The following CCDC196 variants were observed in gnomAD, a reference collection of about 807,000 sequenced individuals.
The protein encoded by CCDC196 is coiled-coil domain-containing protein 196.
chr14:66,497,299 G>C (rs7159796), intron 8 of CCDC196, among the ~76,000 whole-genome samples: 49,770 of 151,950 alleles, frequency 0.33, 12,062 homozygotes, highest in African/African-American at 0.66. Context: ...AAATTCAGGG[G>C]GAGAATAAAA....
At chr14:66,488,095 T>C in intron 2 of CCDC196, 65 bp from the exon 3 acceptor site, 1 of 411,118 alleles carries the variant, frequency 2.4e-6, no homozygotes, top group Non-Finnish European at 4.4e-6. Context: ...TTCTGACTAG[T>C]TGCAGAACAT....
intron 4 of CCDC196, among the ~76,000 whole-genome samples, chr14:66,489,481 A>G (rs1195618352): frequency 3.3e-5 from 5 of 152,170 alleles, no homozygotes; most frequent in Admixed American, 2.6e-4. Context: ...TAGAGAAGCC[A>G]TCCTTGTTTG....
At chr14:66,486,590 GTCTCTCTC>G (rs10569333) in intron 1 of CCDC196, 38 bp downstream of exon 1, 12 of 409,256 alleles carry the variant, frequency 2.9e-5, no homozygotes, top group Non-Finnish European at 4.9e-5. Context: ...AGAAAAGAGG[GTCTCTCTC>G]TCTCTCTCTC....
At chr14:66,487,485 A>G (rs1037731912) in intron 2 of CCDC196, among the ~76,000 whole-genome samples, 1 of 152,250 alleles carries the variant, frequency 6.6e-6, no homozygotes, top group East Asian at 1.9e-4. Context: ...TCAGCAAAAT[A>G]GACTTCTCTC....
At chr14:66,491,991 G>T (rs964048875) in intron 7 of CCDC196, 62 bp from the exon 8 acceptor site, 8 of 411,434 alleles carry the variant, frequency 1.9e-5, no homozygotes, top group African/African-American at 1.4e-4. Flanking sequence ...GAGGATTCAG[G>T]TAACAATGGA....
chr14:66,493,706 G>A (rs1749185288), intron 8 of CCDC196: 1 of 152,148 alleles, frequency 6.6e-6, no homozygotes, highest in Non-Finnish European at 1.5e-5. Context: ...AAACTAGTAA[G>A]ACTGAACTGA....
At chr14:66,495,092 G>C (rs768973945) in intron 8 of CCDC196, among the ~76,000 whole-genome samples, 29 of 151,116 alleles carry the variant, frequency 1.9e-4, no homozygotes, top group Non-Finnish European at 4.4e-5. Flanking sequence ...CTTTCTCCTT[G>C]ATGCCATCAA....
At chr14:66,493,487 G>C (rs1039873374) in intron 8 of CCDC196, among the ~76,000 whole-genome samples, 1 of 152,204 alleles carries the variant, frequency 6.6e-6, no homozygotes, top group Non-Finnish European at 1.5e-5. Flanking sequence ...GACATTGTTT[G>C]TGTGATGATA....
At chr14:66,496,591 T>C (rs955697456) in intron 8 of CCDC196, 9 of 335,822 alleles carry the variant, frequency 2.7e-5, no homozygotes, top group Non-Finnish European at 4.7e-5. Context: ...TCAGGGTGTA[T>C]TGTAGGCCCT....
chr14:66,488,157 T>C lies in CCDC196; in HGVS notation c.204-3T>C, dbSNP rs1158154543. 4.8e-6 allele frequency: 2 copies of C among 412,940 alleles called. No homozygotes were observed. The highest frequency in any genetic ancestry group is 8.9e-6 in the Non-Finnish European group (2 of 225,812). The allele number at this position is 412,940 out of a possible 1,614,324, so 25.6% of individuals were successfully genotyped here. A position where few individuals can be genotyped will look rare whatever the true frequency, so the allele number is the denominator to read the frequency against. On this transcript the variant is annotated splice_polypyrimidine_tract_variant and splice_region_variant and intron_variant, in intron 2 of 9. Coordinates refer to ENST00000636229, the MANE Select transcript of CCDC196 (RefSeq NM_001351576.1). ...TGTTTTATGATGCCTCTCTTTCTTC[T>C]AGTCTTCAGATCATGAGACAGATCA...
chr14:66,489,975 A>G (rs1566712735), intron 4 of CCDC196, among the ~76,000 whole-genome samples: 1 of 152,194 alleles, frequency 6.6e-6, no homozygotes, highest in African/African-American at 2.4e-5. Context: ...GTCTTGTGAT[A>G]TAAACAGATA....
At chr14:66,488,077 A>G (rs371574224) in intron 2 of CCDC196, 83 bp from the exon 3 acceptor site, 225 of 408,758 alleles carry the variant, frequency 5.5e-4, no homozygotes, top group African/African-American at 4.0e-3. Context: ...CTTTCATGGT[A>G]GAGTACTTTC....
chr14:66,491,592 T>A, intron 6 of CCDC196, 34 bp from the exon 7 acceptor site: 2 of 413,810 alleles, frequency 4.8e-6, no homozygotes, highest in East Asian at 7.1e-5. Context: ...GATCTCAATT[T>A]ACTTTGTCAC....
chr14:66,491,503 A>C (rs1035177920), intron 6 of CCDC196, 123 bp from the exon 7 acceptor site: 3 of 411,066 alleles, frequency 7.3e-6, no homozygotes, highest in African/African-American at 6.2e-5. Flanking sequence ...TTGTGCAGTT[A>C]AAGTCAATTT....
At chr14:66,489,199 CAATCAAAG>C (rs1255576989) in intron 4 of CCDC196, among the ~76,000 whole-genome samples, 162 bp downstream of exon 4, 2 of 152,152 alleles carry the variant, frequency 1.3e-5, no homozygotes, top group East Asian at 3.8e-4. Flanking sequence ...CTTTTTAAAA[CAATCAAAG>C]CATGTTACTC....
At position 66,498,351 on chromosome 14, in the gene CCDC196, A is replaced by C. The variant is rs896984597; in HGVS notation, c.775-2A>C. ...CTTTTTCCTCTGTTTTTTCCTGTCT[A>C]GAGAATTCTGGGAACAAAGATCTAC... On this transcript the variant is annotated splice_acceptor_variant, in intron 9 of 9. Coordinates refer to ENST00000636229, the MANE Select transcript of CCDC196 (RefSeq NM_001351576.1). LOFTEE classifies it high-confidence loss of function. The C allele has an allele frequency of 1.7e-5, 7 of 409,196 alleles. No homozygotes were observed. Among genetic ancestry groups the C allele is most frequent in the Non-Finnish European group, 3.1e-5 (7 of 224,406 alleles). 25.3% of individuals were successfully genotyped at this position (409,196 alleles called of 1,614,324 possible).
chr14:66,498,145 C>T lies in CCDC196; in HGVS notation c.752C>T (p.Thr251Ile). The T allele has an allele frequency of 2.4e-6, 1 of 412,192 alleles. No homozygotes were observed. The highest frequency in any genetic ancestry group is 4.4e-6 in the Non-Finnish European group (1 of 225,500). 25.5% of individuals were successfully genotyped at this position (412,192 alleles called of 1,614,324 possible). A position where few individuals can be genotyped will look rare whatever the true frequency, so the allele number is the denominator to read the frequency against. The change falls in exon 9 of 10, where the codon ACT becomes ATT. Residue 251 changes from threonine to isoleucine, a missense_variant. Coordinates refer to ENST00000636229, the MANE Select transcript of CCDC196 (RefSeq NM_001351576.1). The stretch of plus-strand genomic sequence containing the variant: ...ATTACAACTATGGACAGAGTGACTA[C>T]TGGCAGAAATGAACACCATGTGGTG... ...MGITTMDRVT[T>I]GRNEHHVRIL...
intron 2 of CCDC196, 129 bp from the exon 3 acceptor site, chr14:66,488,031 G>A (rs554994576): frequency 2.5e-5 from 10 of 397,266 alleles, no homozygotes; most frequent in Middle Eastern, 6.5e-4. Flanking sequence ...GACCAGAAGG[G>A]CTTCCATAAC....
At position 66,497,522 on chromosome 14, in the gene CCDC196, T is replaced by C. The variant is rs928753553; in HGVS notation, c.716-587T>C. Among the ~76,000 whole-genome samples, 5 of 152,114 alleles carry C rather than the reference T, an allele frequency of 3.3e-5. No homozygotes were observed. The South Asian group carries it at 8.3e-4, about 25-fold the overall frequency. ...TTCACCAAATAATTTTTAGTATAAG[T>C]GTGTCCCAAATATTTCATGAGATAT... On this transcript the variant is annotated intron_variant, in intron 8 of 9. Transcript: ENST00000636229.
Sources: allele counts gnomAD v4.1 joint callset (sites outside exome capture counted in the v4.1 genomes callset), GRCh38; gene constraint gnomAD v4.1.1; transcripts MANE v1.5; gene names NCBI Gene and HGNC (gene_info 2026-07-23, HGNC 2026-07-21).